Variants in KIF16B observed in about 807,000 individuals in gnomAD.
KIF16B encodes the protein kinesin-like protein KIF16B.
KIF16B carries 98 observed loss-of-function variants against 156.3 expected under a neutral mutation model. That is an observed-to-expected ratio of 0.63 (90% confidence interval 0.53 to 0.74). The LOEUF (loss-of-function observed/expected upper bound fraction) is 0.74, where lower values mean the gene tolerates loss of function less well. KIF16B is among the 30% of genes least tolerant of loss of function. The pLI, the probability that KIF16B is intolerant of heterozygous loss-of-function variation, is 0.00. For missense variants in KIF16B, 1,421 were observed against 1,606.5 expected (o/e 0.88, Z 1.97); for synonymous variants, 564 against 583.7 (o/e 0.97, Z 0.49).
intron 22 of KIF16B, among the ~76,000 whole-genome samples, chr20:16,363,359 T>A (rs141870487): frequency 6.6e-6 from 1 of 152,196 alleles, no homozygotes. Flanking sequence ...TAAAAGGTCC[T>A]AGGGCATACT....
At chr20:16,288,570 T>C (rs2063262613) in intron 25 of KIF16B, among the ~76,000 whole-genome samples, 1 of 147,492 alleles carries the variant, frequency 6.8e-6, no homozygotes, top group African/African-American at 2.5e-5. Flanking sequence ...AAACACAGTA[T>C]GTACTGGTGA....
intron 15 of KIF16B, among the ~76,000 whole-genome samples, chr20:16,424,891 C>G (rs548012377): frequency 1.6e-4 from 24 of 152,158 alleles, no homozygotes; most frequent in Non-Finnish European, 1.0e-4. Context: ...TACAATTAAC[C>G]CTATGGTATT....
chr20:16,467,613 C>T (rs1038384021), intron 12 of KIF16B, among the ~76,000 whole-genome samples: 4 of 152,004 alleles, frequency 2.6e-5, no homozygotes, highest in Admixed American at 2.0e-4. Context: ...AAGGGGAAGA[C>T]ACCTTATCTA....
chr20:16,357,588 T>A (rs887259232), intron 22 of KIF16B, among the ~76,000 whole-genome samples: 1 of 152,178 alleles, frequency 6.6e-6, no homozygotes, highest in Non-Finnish European at 1.5e-5. Context: ...CCCACTTATG[T>A]GACTATAAAG....
intron 10 of KIF16B, among the ~76,000 whole-genome samples, chr20:16,500,750 T>A (rs773345618): frequency 2.6e-5 from 4 of 152,188 alleles, no homozygotes; most frequent in Non-Finnish European, 5.9e-5. Flanking sequence ...ATAATTGAGT[T>A]TTACTTTGTG....
chr20:16,490,895 T>C (rs899256937), intron 12 of KIF16B, among the ~76,000 whole-genome samples: 3 of 152,196 alleles, frequency 2.0e-5, no homozygotes, highest in Admixed American at 6.5e-5. Context: ...AGCAGAGTGC[T>C]AGGAGCTGGC....
intron 1 of KIF16B, among the ~76,000 whole-genome samples, chr20:16,529,342 T>C (rs2069663504): frequency 6.6e-6 from 1 of 152,148 alleles, no homozygotes; most frequent in South Asian, 2.1e-4. Context: ...AAACAAGCTA[T>C]AATTTAGAAG....
At chr20:16,275,006 C>T (rs2063039333) in intron 25 of KIF16B, among the ~76,000 whole-genome samples, 1 of 151,914 alleles carries the variant, frequency 6.6e-6, no homozygotes, top group Admixed American at 6.6e-5. Context: ...CTTCTAACAT[C>T]CAATGTTTTA....
chr20:16,424,057 C>T (rs1261238185), intron 15 of KIF16B, among the ~76,000 whole-genome samples: 1 of 152,100 alleles, frequency 6.6e-6, no homozygotes, highest in Non-Finnish European at 1.5e-5. Context: ...ACCTGCCCCT[C>T]CATTCTACAT....
chr20:16,446,811 G>A (rs2066943826), intron 12 of KIF16B, among the ~76,000 whole-genome samples: 1 of 152,150 alleles, frequency 6.6e-6, no homozygotes, highest in Non-Finnish European at 1.5e-5. Context: ...ACGCTAGGTC[G>A]AATTGTGAAT....
chr20:16,307,602 C>A (rs1463754295), intron 25 of KIF16B, among the ~76,000 whole-genome samples: 1 of 152,162 alleles, frequency 6.6e-6, no homozygotes, highest in Non-Finnish European at 1.5e-5. Flanking sequence ...AAGTGTGGTC[C>A]ATGTTTCAGA....
chr20:16,497,854 T>G (rs568746106), intron 10 of KIF16B, among the ~76,000 whole-genome samples, 176 bp from the exon 11 acceptor site: 5 of 152,148 alleles, frequency 3.3e-5, no homozygotes, highest in Non-Finnish European at 7.4e-5. Flanking sequence ...ACGGGATACA[T>G]CTCTCATAAT....
At chr20:16,398,265 T>C (rs1479784690) in intron 17 of KIF16B, among the ~76,000 whole-genome samples, 1 of 152,146 alleles carries the variant, frequency 6.6e-6, no homozygotes, top group Non-Finnish European at 1.5e-5. Context: ...CCCATGTAAA[T>C]CACAGGATAA....
intron 6 of KIF16B, among the ~76,000 whole-genome samples, chr20:16,511,039 G>A (rs921858828): frequency 1.5e-4 from 23 of 152,184 alleles, no homozygotes; most frequent in Non-Finnish European, 2.1e-4. Flanking sequence ...TTCCGAAGAC[G>A]CAAGAGGTTC....
chr20:16,280,390 A>T (rs902785350), intron 25 of KIF16B, among the ~76,000 whole-genome samples: 6 of 152,226 alleles, frequency 3.9e-5, no homozygotes, highest in African/African-American at 1.4e-4. Flanking sequence ...GTGGTGTCCA[A>T]GTTCAGCTAA....
chr20:16,512,963 T>C, intron 4 of KIF16B, 40 bp from the exon 5 acceptor site: 1 of 1,419,388 alleles, frequency 7.0e-7, no homozygotes, highest in South Asian at 1.2e-5. Flanking sequence ...TCACTCAAAA[T>C]AAAAGCAACT....
rs959665853 is a variant in KIF16B at position 16,564,917 on chromosome 20, C to T, written c.47+8312G>A. Among the ~76,000 whole-genome samples the T allele has an allele frequency of 3.3e-5, 5 of 152,108 alleles. No homozygotes were observed. In the East Asian group the frequency reaches 7.7e-4, roughly 23 times the overall value. On this transcript the variant is annotated intron_variant, in intron 1 of 25. Coordinates refer to ENST00000354981, the MANE Select transcript of KIF16B (RefSeq NM_024704.5). ...CTCACACTGGCGACCTTCCCTCCTC[C>T]CAAGCCTTGAGCCCCCTGGTCAGGC...
chr20:16,367,899 A>G (rs764145266), intron 22 of KIF16B: 2 of 1,488,556 alleles, frequency 1.3e-6, no homozygotes, highest in East Asian at 2.4e-5. Flanking sequence ...GGAATCGAAC[A>G]CTCTGTCCAC....
chr20:16,549,015 T>C (rs2070524721), intron 1 of KIF16B, among the ~76,000 whole-genome samples: 1 of 137,516 alleles, frequency 7.3e-6, no homozygotes, highest in Non-Finnish European at 1.6e-5. Context: ...TTTTCGGTTT[T>C]TTTTTTTTAT....
Sources: gnomAD v4.1 joint callset for allele counts (sites outside exome capture counted in the v4.1 genomes callset) on GRCh38, gnomAD v4.1.1 for gene constraint, MANE v1.5 for transcripts, NCBI Gene and HGNC (gene_info 2026-07-23, HGNC 2026-07-21) for gene names.